TSPAN5: variants seen among roughly 807,000 people sequenced by gnomAD.
TSPAN5 encodes tetraspanin-5.
TSPAN5 carries 10 observed loss-of-function variants against 37.1 expected under a neutral mutation model. The ratio of observed to expected loss-of-function variants is 0.27; its 90% CI spans 0.17 to 0.46. The LOEUF (loss-of-function observed/expected upper bound fraction) is 0.46, where lower values mean the gene tolerates loss of function less well. Ranked by LOEUF, TSPAN5 falls within the 20% of genes least tolerant of loss-of-function variation. TSPAN5 has a pLI of 1.00. For missense variants in TSPAN5, 195 were observed against 326.6 expected, an observed-to-expected ratio of 0.60 and a Z score of 3.11; for synonymous variants, 110 against 118.9, an observed-to-expected ratio of 0.93 and a Z score of 0.48.
intron 1 of TSPAN5, among the ~76,000 whole-genome samples, chr4:98,617,494 C>G (rs1361010428): frequency 6.6e-6 from 1 of 152,092 alleles, no homozygotes; most frequent in Non-Finnish European, 1.5e-5. Flanking sequence ...GACAGCCAAG[C>G]CCTCCCACAA....
At chr4:98,574,857 T>C (rs1755199294) in intron 1 of TSPAN5, 1 of 152,320 alleles carries the variant, frequency 6.6e-6, no homozygotes, top group South Asian at 2.1e-4. Context: ...CTGCTTTTTG[T>C]AATCCATTTA....
chr4:98,479,204 G>A (rs1752781300), intron 4 of TSPAN5, among the ~76,000 whole-genome samples: 2 of 152,290 alleles, frequency 1.3e-5, no homozygotes, highest in Admixed American at 1.3e-4. Flanking sequence ...GAGGCAACTG[G>A]GGTTATGGGT....
At chr4:98,654,421 T>G (rs1228103263) in intron 1 of TSPAN5, among the ~76,000 whole-genome samples, 11 of 152,204 alleles carry the variant, frequency 7.2e-5, no homozygotes, top group African/African-American at 2.7e-4. Flanking sequence ...TGGGATGTGG[T>G]GTTCGGTACC....
intron 1 of TSPAN5, among the ~76,000 whole-genome samples, chr4:98,589,666 G>A (rs1356167312): frequency 6.6e-6 from 1 of 152,162 alleles, no homozygotes; most frequent in Non-Finnish European, 1.5e-5. Flanking sequence ...ACCAGAATTA[G>A]GTTCAAAACA....
intron 1 of TSPAN5, among the ~76,000 whole-genome samples, chr4:98,599,460 A>G (rs1027902728): frequency 6.6e-6 from 1 of 152,112 alleles, no homozygotes; most frequent in African/African-American, 2.4e-5. Flanking sequence ...TATAATTTAC[A>G]TAAAATAAAA....
intron 3 of TSPAN5, among the ~76,000 whole-genome samples, chr4:98,486,358 T>C (rs1157179211): frequency 6.6e-6 from 1 of 152,198 alleles, no homozygotes; most frequent in Admixed American, 6.5e-5. Context: ...TTGCCTGGTT[T>C]CTCCAAACCA....
At chr4:98,558,890 C>G (rs1266359232) in intron 1 of TSPAN5, among the ~76,000 whole-genome samples, 1 of 151,850 alleles carries the variant, frequency 6.6e-6, no homozygotes, top group African/African-American at 2.4e-5. Context: ...AGCAGCAGGG[C>G]ATAACCTGTG....
chr4:98,622,243 C>T (rs1248219287), intron 1 of TSPAN5, among the ~76,000 whole-genome samples: 2 of 152,124 alleles, frequency 1.3e-5, no homozygotes, highest in Non-Finnish European at 2.9e-5. Flanking sequence ...CTATGCCTGG[C>T]TAATTTCTGT....
chr4:98,551,230 A>C (rs998029288), intron 1 of TSPAN5, among the ~76,000 whole-genome samples: 2 of 152,064 alleles, frequency 1.3e-5, no homozygotes, highest in African/African-American at 4.8e-5. Context: ...GATAAATCCC[A>C]CCTGATCACG....
intron 1 of TSPAN5, chr4:98,657,840 A>T: frequency 3.0e-6 from 1 of 328,708 alleles, no homozygotes; most frequent in Non-Finnish European, 5.6e-6. Context: ...GTGGTTGCTC[A>T]TTTCTCAAAC....
intron 1 of TSPAN5, among the ~76,000 whole-genome samples, chr4:98,643,239 A>T (rs528133496): frequency 6.6e-6 from 1 of 152,300 alleles, no homozygotes; most frequent in South Asian, 2.1e-4. Flanking sequence ...TTACCATAAC[A>T]TGCTATACAA....
At chr4:98,616,534 C>T (rs1462983192) in intron 1 of TSPAN5, among the ~76,000 whole-genome samples, 1 of 152,102 alleles carries the variant, frequency 6.6e-6, no homozygotes, top group Non-Finnish European at 1.5e-5. Context: ...GCCCAAGAGG[C>T]GCTGGATGGC....
At chr4:98,499,607 C>T (rs1178909786) in intron 2 of TSPAN5, among the ~76,000 whole-genome samples, 3 of 150,916 alleles carry the variant, frequency 2.0e-5, no homozygotes, top group Non-Finnish European at 4.4e-5. Flanking sequence ...TAGAGCACAT[C>T]AGATCACATA....
chr4:98,517,951 A>G (rs1753770902), intron 1 of TSPAN5, among the ~76,000 whole-genome samples: 2 of 152,232 alleles, frequency 1.3e-5, no homozygotes, highest in South Asian at 4.1e-4. Flanking sequence ...CATGAGAAGT[A>G]AGTTATCTAT....
At chr4:98,543,300 G>T (rs1190247328) in intron 1 of TSPAN5, among the ~76,000 whole-genome samples, 1 of 152,012 alleles carries the variant, frequency 6.6e-6, no homozygotes, top group Non-Finnish European at 1.5e-5. Flanking sequence ...GGGGTCGGGG[G>T]TTAGAAAGCT....
intron 2 of TSPAN5, among the ~76,000 whole-genome samples, chr4:98,492,837 T>C (rs959472083): frequency 1.3e-5 from 2 of 152,200 alleles, no homozygotes; most frequent in East Asian, 1.9e-4. Context: ...ATGCATAACA[T>C]GGTTTAACCT....
intron 1 of TSPAN5, among the ~76,000 whole-genome samples, chr4:98,528,290 T>G (rs551494400): frequency 6.6e-6 from 1 of 152,310 alleles, no homozygotes; most frequent in African/African-American, 2.4e-5. Flanking sequence ...TATTAAAATA[T>G]TCCTTAAATA....
At chr4:98,523,774 T>C (rs1753905083) in intron 1 of TSPAN5, among the ~76,000 whole-genome samples, 1 of 152,212 alleles carries the variant, frequency 6.6e-6, no homozygotes, top group Admixed American at 6.5e-5. Context: ...GCTAATTTCC[T>C]GAAGTTAAAA....
At chr4:98,475,322 G>T (rs1008536098) in intron 7 of TSPAN5, among the ~76,000 whole-genome samples, 2 of 152,118 alleles carry the variant, frequency 1.3e-5, no homozygotes, top group Non-Finnish European at 2.9e-5. Flanking sequence ...ATTTACTTAG[G>T]TCTTCTTTAA....
Sources: gnomAD v4.1 joint callset for allele counts (sites outside exome capture counted in the v4.1 genomes callset) on GRCh38, gnomAD v4.1.1 for gene constraint, MANE v1.5 for transcripts, NCBI Gene and HGNC (gene_info 2026-07-23, HGNC 2026-07-21) for gene names.